C12orf56: variants seen among roughly 807,000 people sequenced by gnomAD.
The protein encoded by C12orf56 is chromosome 12 open reading frame 56, also known as uncharacterized protein C12orf56.
Under a neutral mutation model 69.9 loss-of-function variants are expected in C12orf56, and 71 were observed. The observed-to-expected ratio is 1.02, with a 90% CI of 0.84 to 1.24. The LOEUF is 1.24. Ranked by LOEUF, C12orf56 falls within the 50% of genes most tolerant of loss-of-function variation. C12orf56 has a pLI of 0.00. For missense variants in C12orf56, 732 were observed against 738.5 expected (o/e 0.99, Z 0.10); for synonymous variants, 276 against 274.1 (o/e 1.01, Z -0.07).
chr12:64,271,485 C>T (rs1308648100), intron 11 of C12orf56, among the ~76,000 whole-genome samples: 4 of 152,166 alleles, frequency 2.6e-5, no homozygotes, highest in African/African-American at 4.8e-5. Flanking sequence ...AATCCATAAA[C>T]GTAGGCTTGT....
In C12orf56 at chr12:64,267,234, G is replaced by A; in HGVS notation, c.1818C>T (p.Ile606=). The change falls in exon 13 of 13, where the codon ATC becomes ATT. Residue 606 remains isoleucine (I), a synonymous_variant. Transcript: ENST00000543942. ...LQKRLPLCYP[I]TQPTIQLFHE... ...GAAAAAGTTGAATGGTAGGTTGAGTGATGGGGTAACACAATGGGAGCCTTT... is the reference window on the plus strand; with the variant it reads ...GAAAAAGTTGAATGGTAGGTTGAGTAATGGGGTAACACAATGGGAGCCTTT... 6.2e-7 allele frequency: 1 copy of A among 1,612,720 alleles called. No individual in the cohort carries two copies. Among genetic ancestry groups the A allele is most frequent in the Non-Finnish European group, 8.5e-7 (1 of 1,179,452 alleles).
At position 64,274,951 on chromosome 12, in the gene C12orf56, T is replaced by C; in HGVS notation, c.1534A>G (p.Lys512Glu). 1 of 1,612,426 alleles carries C rather than the reference T, an allele frequency of 6.2e-7. No homozygotes were observed. The highest frequency in any genetic ancestry group is 8.5e-7 in the Non-Finnish European group (1 of 1,178,732). Residue 512 changes from lysine (K) to glutamate (E), a missense_variant, in exon 11 of 13, where the codon AAG (lysine) becomes GAG (glutamate). Physicochemically the swap from Lys to Glu is moderately conservative, Grantham distance 56. Transcript: ENST00000543942. The part of the protein sequence containing the change: ...QQGNLGLGST[K>E]FAISWIMSFL... Reference sequence around the variant, plus strand: ...GACATTATCCAGCTAATAGCAAACTTTGTGGATCCCAATCCGAGATTTCCC... The same window carrying C: ...GACATTATCCAGCTAATAGCAAACTCTGTGGATCCCAATCCGAGATTTCCC...
At chr12:64,300,128 C>T (rs1480494038) in intron 6 of C12orf56, among the ~76,000 whole-genome samples, 1 of 151,874 alleles carries the variant, frequency 6.6e-6, no homozygotes, top group East Asian at 1.9e-4. Flanking sequence ...TTGAGCTGAG[C>T]CTTGATGAAT....
At chr12:64,304,786 G>A (rs367582003) in intron 5 of C12orf56, among the ~76,000 whole-genome samples, 5 of 152,286 alleles carry the variant, frequency 3.3e-5, no homozygotes, top group South Asian at 2.1e-4. Context: ...TGTGGGGACC[G>A]AGCTGGGAAT....
intron 11 of C12orf56, among the ~76,000 whole-genome samples, chr12:64,273,522 C>T (rs1334277859): frequency 6.6e-6 from 1 of 152,212 alleles, no homozygotes; most frequent in Non-Finnish European, 1.5e-5. Context: ...GACATAGCTT[C>T]TACCCTCACG....
At chr12:64,294,407 C>G (rs768927290) in intron 6 of C12orf56, among the ~76,000 whole-genome samples, 1 of 152,104 alleles carries the variant, frequency 6.6e-6, no homozygotes, top group Non-Finnish European at 1.5e-5. Flanking sequence ...CTGCATTACT[C>G]ACAACATCTA....
intron 2 of C12orf56, among the ~76,000 whole-genome samples, chr12:64,344,208 T>G (rs1237425360): frequency 6.6e-6 from 1 of 152,184 alleles, no homozygotes; most frequent in Non-Finnish European, 1.5e-5. Flanking sequence ...GGGAGAAAGA[T>G]TCACTGCATA....
intron 11 of C12orf56, among the ~76,000 whole-genome samples, chr12:64,271,997 G>A (rs2037996094): frequency 6.6e-6 from 1 of 152,108 alleles, no homozygotes. Context: ...CATGCTTCAT[G>A]GTCACAGACT....
intron 1 of C12orf56, among the ~76,000 whole-genome samples, chr12:64,375,259 T>C (rs1394896330): frequency 6.6e-6 from 1 of 152,214 alleles, no homozygotes; most frequent in African/African-American, 2.4e-5. Context: ...TTCACCATGT[T>C]GGCCAGGCTG....
intron 9 of C12orf56, among the ~76,000 whole-genome samples, chr12:64,276,976 A>C (rs10748007): frequency 0.98 from 135,073 of 138,062 alleles, 66,167 homozygotes; most frequent in Middle Eastern, 1. Context: ...CCTGGGCAAC[A>C]GAGTGAAACC....
At chr12:64,283,212 C>T (rs567858067) in intron 8 of C12orf56, among the ~76,000 whole-genome samples, 5 of 150,376 alleles carry the variant, frequency 3.3e-5, no homozygotes, top group Admixed American at 6.6e-5. Context: ...GTCATGGTGG[C>T]TCATGCCTGT....
At chr12:64,379,805 C>T (rs997344414) in intron 1 of C12orf56, among the ~76,000 whole-genome samples, 5 of 150,508 alleles carry the variant, frequency 3.3e-5, no homozygotes, top group African/African-American at 1.2e-4. Context: ...CGATATAAGC[C>T]GGGCGCAGTG....
chr12:64,277,659 C>A (rs2038069828), intron 9 of C12orf56, 21 bp downstream of exon 9: 19 of 1,410,938 alleles, frequency 1.3e-5, no homozygotes, highest in Admixed American at 2.6e-5. Context: ...TAATAGTTTA[C>A]CCCCCAAATT....
chr12:64,288,800 T>C (rs1372114390), intron 6 of C12orf56, among the ~76,000 whole-genome samples: 16 of 151,226 alleles, frequency 1.1e-4, no homozygotes, highest in Non-Finnish European at 1.8e-4. Context: ...TCCAGCTTTG[T>C]TCTTTTGGTT....
chr12:64,356,170 CAAAAAAAAAAA>C (rs761289428), intron 1 of C12orf56, among the ~76,000 whole-genome samples: 88 of 48,428 alleles, frequency 1.8e-3, no homozygotes, highest in African/African-American at 9.4e-4. Context: ...GACTCCATCT[CAAAAAAAAAAA>C]AAAAAAAAAA....
chr12:64,338,791 C>T (rs2136880063), intron 2 of C12orf56: 2 of 1,294,554 alleles, frequency 1.5e-6, no homozygotes, highest in East Asian at 4.7e-5. Context: ...TGCTGAGAGC[C>T]ATGGTGAGAG....
chr12:64,362,948 G>T (rs534489267), intron 1 of C12orf56, among the ~76,000 whole-genome samples: 3 of 152,198 alleles, frequency 2.0e-5, no homozygotes, highest in South Asian at 4.1e-4. Flanking sequence ...ACAACCAGAG[G>T]TCACCTCATC....
rs1565786009 is a variant in C12orf56, at chr12:64,386,400, T to TATATATATA, written c.252+3913_252+3914insTATATATAT. ...GGCTAATTTTTATATATATATATAT[T>TATATATATA]TTTTTTTTTTTTTGAGACGGAGTTC... On this transcript the variant is annotated intron_variant, in intron 1 of 12. Transcript: ENST00000543942. 2.9e-4 allele frequency among the ~76,000 whole-genome samples: 29 copies of TATATATATA among 99,238 alleles called. 1 individual carries two copies. Among genetic ancestry groups the TATATATATA allele is most frequent in the African/African-American group, 1.3e-3 (28 of 22,250 alleles). 65.1% of individuals were successfully genotyped at this position (99,238 alleles called of 152,430 possible). A position where few individuals can be genotyped will look rare whatever the true frequency, so the allele number is the denominator to read the frequency against.
intron 5 of C12orf56, among the ~76,000 whole-genome samples, chr12:64,308,849 AAAAG>A (rs1268006194): frequency 6.0e-5 from 9 of 149,666 alleles, no homozygotes; most frequent in Non-Finnish European, 8.9e-5. Context: ...TCTCAAAAAA[AAAAG>A]AAAGAAAGAA....
Sources: gnomAD v4.1 joint callset for allele counts (sites outside exome capture counted in the v4.1 genomes callset) on GRCh38, gnomAD v4.1.1 for gene constraint, MANE v1.5 for transcripts, NCBI Gene and HGNC (gene_info 2026-07-23, HGNC 2026-07-21) for gene names.